The following SAE1 variants were observed in gnomAD, a reference collection of about 807,000 sequenced individuals.
SAE1 encodes SUMO1 activating enzyme subunit 1, also known as SUMO-activating enzyme subunit 1.
A neutral mutation model predicts 40.6 loss-of-function variants in SAE1; 11 were observed. That is an observed-to-expected ratio of 0.27 (90% CI 0.17 to 0.45). The LOEUF is 0.45. SAE1 is among the 20% of genes least tolerant of loss of function. The pLI, the probability that SAE1 is intolerant of heterozygous loss-of-function variation, is 1.00. For missense variants in SAE1, 373 were observed against 427.3 expected (o/e 0.87, Z 1.12); for synonymous variants, 155 against 154.3 (o/e 1.00, Z -0.03).
intron 6 of SAE1, among the ~76,000 whole-genome samples, chr19:47,178,011 GGT>G (rs1361995944): frequency 6.6e-6 from 1 of 152,128 alleles, no homozygotes; most frequent in Non-Finnish European, 1.5e-5. Context: ...GAGAGACTGA[GGT>G]GGGCAGATCA....
chr19:47,135,849 G>C (rs550336124), intron 1 of SAE1, among the ~76,000 whole-genome samples: 7 of 151,990 alleles, frequency 4.6e-5, no homozygotes, highest in Middle Eastern at 3.4e-3. Flanking sequence ...GCTGGAGTAG[G>C]CTGGAGTGCA....
At chr19:47,175,930 AT>A (rs1568600481) in intron 6 of SAE1, among the ~76,000 whole-genome samples, 2 of 152,294 alleles carry the variant, frequency 1.3e-5, no homozygotes, top group South Asian at 4.1e-4. Context: ...TTTGAATTGT[AT>A]TTCTGTTAGA....
In SAE1 at chr19:47,169,934, A is replaced by G; in HGVS notation, c.733+11A>G. The stretch of plus-strand genomic sequence containing the variant: ...ACTTTCTCCTTCAAGGTGAGGTCTC[A>G]AAGCACAACTTACCCCGGGAGAGCT... On this transcript the variant is annotated intron_variant, in intron 6 of 8. Transcript: ENST00000270225. 6.9e-6 allele frequency: 11 copies of G among 1,595,414 alleles called. No homozygotes were observed. Among genetic ancestry groups the G allele is most frequent in the Non-Finnish European group, 8.6e-6 (10 of 1,162,918 alleles).
chr19:47,187,975 C>T (rs1463120636), intron 6 of SAE1, among the ~76,000 whole-genome samples: 2 of 152,170 alleles, frequency 1.3e-5, no homozygotes, highest in East Asian at 1.9e-4. Flanking sequence ...GTGACATCGC[C>T]TTTGCCCCAC....
At chr19:47,192,345 G>T (rs1259670524) in intron 6 of SAE1, among the ~76,000 whole-genome samples, 5 of 151,858 alleles carry the variant, frequency 3.3e-5, no homozygotes, top group Non-Finnish European at 7.4e-5. Flanking sequence ...CTGCCTCCTG[G>T]GTTTGAGCGA....
chr19:47,139,992 C>G (rs1425233460), intron 1 of SAE1, among the ~76,000 whole-genome samples: 8 of 144,314 alleles, frequency 5.5e-5, no homozygotes, highest in African/African-American at 2.1e-4. Context: ...GGCTGAAGTG[C>G]AATGGTGCGG....
chr19:47,173,268 A>C (rs1043962432), intron 6 of SAE1, among the ~76,000 whole-genome samples: 3 of 152,126 alleles, frequency 2.0e-5, no homozygotes, highest in Non-Finnish European at 2.9e-5. Context: ...AAGTGCTGGG[A>C]TTAGAGGCGT....
At chr19:47,183,736 C>T (rs2058525606) in intron 6 of SAE1, among the ~76,000 whole-genome samples, 3 of 152,226 alleles carry the variant, frequency 2.0e-5, no homozygotes, top group African/African-American at 7.2e-5. Context: ...TTTTCTCTGA[C>T]TGTCAGACAA....
Position 47,189,101 on chromosome 19 carries a change from G to A in SAE1, c.734-8132G>A, listed in dbSNP as rs965754634. On this transcript the variant is annotated intron_variant, in intron 6 of 8. Transcript: ENST00000270225. The stretch of plus-strand genomic sequence containing the variant: ...ATTGCTCAGTGTATATTTATTGAAT[G>A]AACAATTGACTGAATGTCAGGCCCA... 2.6e-5 allele frequency among the ~76,000 whole-genome samples: 4 copies of A among 152,340 alleles called. No individual in the cohort carries two copies. The East Asian group carries it at 5.8e-4, about 22-fold the overall frequency.
At chr19:47,151,839 G>A (rs2058290290) in intron 3 of SAE1, among the ~76,000 whole-genome samples, 1 of 152,216 alleles carries the variant, frequency 6.6e-6, no homozygotes. Flanking sequence ...GAAGTGTGAG[G>A]CCAGTTGATT....
At position 47,210,172 on chromosome 19, in the gene SAE1, T is replaced by C. The variant is rs1188523558; in HGVS notation, c.*921T>C. ...TTGGTTCTTTTTAAAGGAATGATAA[T>C]AAAGTTACTTGCTTTAGGATTTGCT... is the stretch of plus-strand genomic sequence containing the variant. On this transcript the variant is annotated 3_prime_UTR_variant, in exon 9 of 9. Transcript: ENST00000270225. 6.6e-6 allele frequency: 1 copy of C among 152,200 alleles called. No homozygotes were observed. Among genetic ancestry groups the C allele is most frequent in the Non-Finnish European group, 1.5e-5 (1 of 68,034 alleles). 9.4% of individuals were successfully genotyped at this position (152,200 alleles called of 1,614,324 possible).
intron 6 of SAE1, among the ~76,000 whole-genome samples, chr19:47,182,494 TGTGCGCGCACGCAC>T (rs931739899): frequency 7.3e-6 from 1 of 137,316 alleles, no homozygotes; most frequent in African/African-American, 3.1e-5. Flanking sequence ...TGTGTGTGTG[TGTGCGCGCACGCAC>T]GCGCGCGCGC....
chr19:47,207,637 C>T (rs2058693103), intron 8 of SAE1, among the ~76,000 whole-genome samples: 1 of 152,062 alleles, frequency 6.6e-6, no homozygotes, highest in Non-Finnish European at 1.5e-5. Flanking sequence ...GCCACGTGCT[C>T]ACTCTCCTTC....
intron 5 of SAE1, among the ~76,000 whole-genome samples, chr19:47,169,474 G>A (rs2058417160): frequency 6.6e-6 from 1 of 152,180 alleles, no homozygotes; most frequent in South Asian, 2.1e-4. Context: ...TCGAACTCCT[G>A]ACCTCATGTG....
intron 8 of SAE1, among the ~76,000 whole-genome samples, chr19:47,207,711 G>A (rs1033392249): frequency 7.2e-5 from 11 of 151,944 alleles, no homozygotes; most frequent in Non-Finnish European, 1.6e-4. Context: ...ACAGCTCACT[G>A]CAGACTTGAT....
chr19:47,180,228 A>G (rs1236872871), intron 6 of SAE1: 1 of 456,190 alleles, frequency 2.2e-6, no homozygotes, highest in African/African-American at 2.0e-5. Context: ...AGATGTTAAT[A>G]CCTTTCCTCA....
intron 6 of SAE1, among the ~76,000 whole-genome samples, chr19:47,195,697 C>T (rs1156995316): frequency 4.0e-5 from 6 of 148,358 alleles, no homozygotes; most frequent in African/African-American, 1.5e-4. Flanking sequence ...CCCTTCGCTT[C>T]TTCCTTCCCT....
intron 6 of SAE1, among the ~76,000 whole-genome samples, chr19:47,181,476 C>T (rs867120246): frequency 1.2e-3 from 122 of 99,688 alleles, no homozygotes; most frequent in African/African-American, 4.6e-3. Context: ...TTTTCTTTTC[C>T]TTTTTTTTTT....
chr19:47,178,921 C>T (rs1043390905), intron 6 of SAE1, among the ~76,000 whole-genome samples: 3 of 152,054 alleles, frequency 2.0e-5, no homozygotes, highest in East Asian at 1.9e-4. Flanking sequence ...TCACCTGGCG[C>T]GGTGGCTTAT....
Sources: gnomAD v4.1 joint callset for allele counts (sites outside exome capture counted in the v4.1 genomes callset) on GRCh38, gnomAD v4.1.1 for gene constraint, MANE v1.5 for transcripts, NCBI Gene and HGNC (gene_info 2026-07-23, HGNC 2026-07-21) for gene names.